The following MGAT5 variants were observed in gnomAD, a reference collection of about 807,000 sequenced individuals.
MGAT5 encodes the protein alpha-1,6-mannosylglycoprotein 6-beta-N-acetylglucosaminyltransferase A.
A neutral mutation model predicts 94.3 loss-of-function variants in MGAT5; 30 were observed. That is an observed-to-expected ratio of 0.32 (90% CI 0.24 to 0.43). MGAT5 has a LOEUF of 0.43. Ranked by LOEUF, MGAT5 falls within the 20% of genes least tolerant of loss-of-function variation. The pLI is 1.00. For missense variants in MGAT5, 691 were observed against 905.5 expected, an observed-to-expected ratio of 0.76 and a Z score of 3.04; for synonymous variants, 310 against 322.9, an observed-to-expected ratio of 0.96 and a Z score of 0.43.
intron 15 of MGAT5, among the ~76,000 whole-genome samples, chr2:134,443,022 A>G (rs12468815): frequency 0.03 from 4,622 of 152,160 alleles, 99 homozygotes; most frequent in South Asian, 0.054. Context: ...GCTGTTGTCC[A>G]CTGTTGTTAT....
chr2:134,356,885 ACCT>A (rs1362240941), intron 9 of MGAT5, among the ~76,000 whole-genome samples: 19 of 151,450 alleles, frequency 1.3e-4, no homozygotes, highest in African/African-American at 4.4e-4. Flanking sequence ...ACTGACTGTG[ACCT>A]CCTCTTTTAA....
At chr2:134,236,468 A>G (rs1008881436) in intron 1 of MGAT5, among the ~76,000 whole-genome samples, 3 of 152,084 alleles carry the variant, frequency 2.0e-5, no homozygotes, top group Non-Finnish European at 4.4e-5. Flanking sequence ...TAATTTAATC[A>G]CAGAGACGGT....
At chr2:134,407,865 AT>A (rs1473257944) in intron 11 of MGAT5, among the ~76,000 whole-genome samples, 7 of 152,206 alleles carry the variant, frequency 4.6e-5, no homozygotes, top group Non-Finnish European at 8.8e-5. Flanking sequence ...AATGTAGTGA[AT>A]TGGGCAGTCC....
intron 4 of MGAT5, among the ~76,000 whole-genome samples, chr2:134,335,311 T>C (rs953748442): frequency 6.6e-6 from 1 of 152,156 alleles, no homozygotes; most frequent in African/African-American, 2.4e-5. Flanking sequence ...TTATTTTCAA[T>C]GCCTGTTAGC....
intron 5 of MGAT5, among the ~76,000 whole-genome samples, chr2:134,337,663 C>G (rs1416610850): frequency 6.6e-6 from 1 of 152,192 alleles, no homozygotes; most frequent in African/African-American, 2.4e-5. Context: ...TTCTTCCTGG[C>G]TTTTAATTTA....
intron 2 of MGAT5, among the ~76,000 whole-genome samples, chr2:134,276,959 G>T (rs1454556524): frequency 6.6e-6 from 1 of 152,192 alleles, no homozygotes; most frequent in African/African-American, 2.4e-5. Context: ...TAGCTTGAAG[G>T]ATAGCTGGGT....
chr2:134,425,564 G>A (rs1402870819), intron 13 of MGAT5, among the ~76,000 whole-genome samples: 14 of 152,264 alleles, frequency 9.2e-5, no homozygotes. Context: ...AGAATCCTAT[G>A]GTTAGTATAT....
chr2:134,139,560 C>G (rs1194408166), intron 1 of MGAT5, among the ~76,000 whole-genome samples: 1 of 152,164 alleles, frequency 6.6e-6, no homozygotes, highest in Admixed American at 6.5e-5. Flanking sequence ...AGCGGAGGCT[C>G]AGACATGAAG....
intron 8 of MGAT5, 145 bp from the exon 9 acceptor site, chr2:134,349,659 TA>T: frequency 2.3e-6 from 2 of 861,300 alleles, no homozygotes; most frequent in Non-Finnish European, 3.5e-6. Context: ...CAAGCTATTG[TA>T]AAACATCACA....
At chr2:134,239,682 C>T (rs1286961666) in intron 1 of MGAT5, among the ~76,000 whole-genome samples, 4 of 151,846 alleles carry the variant, frequency 2.6e-5, no homozygotes, top group African/African-American at 9.7e-5. Context: ...TTTCCCTTTG[C>T]CATGTATGTC....
At chr2:134,162,555 A>G (rs575862897) in intron 1 of MGAT5, among the ~76,000 whole-genome samples, 1 of 152,314 alleles carries the variant, frequency 6.6e-6, no homozygotes, top group South Asian at 2.1e-4. Flanking sequence ...ATCTCCTTTT[A>G]CCATTGAGGG....
intron 1 of MGAT5, among the ~76,000 whole-genome samples, chr2:134,225,365 C>T (rs903413806): frequency 2.6e-5 from 4 of 152,176 alleles, no homozygotes; most frequent in Non-Finnish European, 5.9e-5. Context: ...GATCCTCACA[C>T]GAGTCACACA....
At chr2:134,282,274 G>A (rs1046765912) in intron 2 of MGAT5, among the ~76,000 whole-genome samples, 3 of 152,236 alleles carry the variant, frequency 2.0e-5, no homozygotes, top group African/African-American at 7.2e-5. Flanking sequence ...GGCCAGGAGT[G>A]TGTGCCATGC....
intron 10 of MGAT5, among the ~76,000 whole-genome samples, chr2:134,390,080 A>G (rs1490163516): frequency 6.6e-6 from 1 of 152,188 alleles, no homozygotes; most frequent in Non-Finnish European, 1.5e-5. Context: ...GAGCCATGTC[A>G]ATGAAAAAAG....
At chr2:134,402,242 G>C (rs1200375318) in intron 10 of MGAT5, among the ~76,000 whole-genome samples, 1 of 152,202 alleles carries the variant, frequency 6.6e-6, no homozygotes, top group Non-Finnish European at 1.5e-5. Context: ...AGGTGGTTTT[G>C]ATTTAGAAAA....
chr2:134,400,706 A>T (rs560471844), intron 10 of MGAT5, among the ~76,000 whole-genome samples: 7 of 152,304 alleles, frequency 4.6e-5, no homozygotes, highest in South Asian at 4.1e-4. Context: ...CCACAGACAT[A>T]GCCTAGGGGC....
intron 1 of MGAT5, among the ~76,000 whole-genome samples, chr2:134,180,267 C>T (rs1331091561): frequency 6.6e-6 from 1 of 152,252 alleles, no homozygotes; most frequent in African/African-American, 2.4e-5. Flanking sequence ...TGGACTCACT[C>T]TGAATTCCTT....
At chr2:134,214,955 T>C (rs1368116679) in intron 1 of MGAT5, among the ~76,000 whole-genome samples, 1 of 152,198 alleles carries the variant, frequency 6.6e-6, no homozygotes. Context: ...ATGTCCTCTC[T>C]TCCAGCTTCT....
intron 14 of MGAT5, among the ~76,000 whole-genome samples, chr2:134,435,422 G>T (rs57975135): frequency 0.013 from 1,914 of 152,258 alleles, 33 homozygotes; most frequent in African/African-American, 0.043. Context: ...CACCATTTCA[G>T]TGATGCCTTA....
Sources: allele counts gnomAD v4.1 joint callset (sites outside exome capture counted in the v4.1 genomes callset), GRCh38; gene constraint gnomAD v4.1.1; transcripts MANE v1.5; gene names NCBI Gene and HGNC (gene_info 2026-07-23, HGNC 2026-07-21).